Variants in FIG4 observed in about 807,000 individuals in gnomAD.
FIG4 encodes FIG4 phosphoinositide 5-phosphatase.
A neutral mutation model predicts 118.6 loss-of-function variants in FIG4; 112 were observed. The observed-to-expected ratio is 0.94, with a 90% CI of 0.81 to 1.11. The LOEUF is 1.11. Among genes scored for constraint, FIG4 ranks in the 50% least tolerant of loss-of-function variants. FIG4 has a pLI of 0.00. For synonymous variants in FIG4, 369 were observed against 381.2 expected (o/e 0.97, Z 0.37); for missense variants, 969 against 1,111.7 (o/e 0.87, Z 1.83).
chr6:109,763,891 G>A (rs371725965), intron 12 of FIG4, 46 bp from the exon 13 acceptor site: 3 of 1,225,398 alleles, frequency 2.4e-6, no homozygotes, highest in African/African-American at 3.0e-5. Flanking sequence ...AAATAAATAT[G>A]TATTCTGCCA....
rs375629140 is a variant in FIG4, at chr6:109,715,142, C to T, written c.131C>T (p.Thr44Ile). 9 of 1,606,966 alleles carry T rather than the reference C, an allele frequency of 5.6e-6. No homozygotes were observed. Among genetic ancestry groups the T allele is most frequent in the Non-Finnish European group, 7.7e-6 (9 of 1,174,200 alleles). Residue 44 changes from threonine to isoleucine, a missense_variant, in exon 2 of 23, where the codon ACA becomes ATA. Physicochemically the swap from Thr to Ile is moderately conservative, Grantham distance 89. Transcript: ENST00000230124. ...TATCGTGTCTTGAAGATTGATAGAA[C>T]AGAACCAAAAGATTTGGTCATAATT... is the stretch of plus-strand genomic sequence containing the variant. ...TKYRVLKIDR[T>I]EPKDLVIIDD...
Position 109,764,895 on chromosome 6 carries a change from T to TTTTTTGTTTTTG in FIG4, c.1435-90_1435-79dup, listed in dbSNP as rs71018366. On this transcript the variant is annotated intron_variant, in intron 13 of 22. Coordinates refer to ENST00000230124, the MANE Select transcript of FIG4 (RefSeq NM_014845.6). ...CAGGAATAATACCTGCCCACAGACT[T>TTTTTTGTTTTTG]TTTTTGTTTTTGTTTTTGTTTTTGT... 0.18 allele frequency: 147,237 copies of TTTTTTGTTTTTG among 810,438 alleles called. 17,045 individuals carry two copies. Among genetic ancestry groups the TTTTTTGTTTTTG allele is most frequent in the Middle Eastern group, 0.25 (950 of 3,872 alleles). The allele number at this position is 810,438 out of a possible 1,614,324, so 50.2% of individuals were successfully genotyped here. A position where few individuals can be genotyped will look rare whatever the true frequency, so the allele number is the denominator to read the frequency against.
chr6:109,807,644 G>T (rs1481680340), intron 22 of FIG4, among the ~76,000 whole-genome samples: 2 of 152,168 alleles, frequency 1.3e-5, no homozygotes, highest in Non-Finnish European at 2.9e-5. Context: ...GGCTTTTGTT[G>T]CCATTGCTTT....
chr6:109,725,827 A>T (rs550266542), intron 3 of FIG4, among the ~76,000 whole-genome samples: 1 of 151,950 alleles, frequency 6.6e-6, no homozygotes, highest in South Asian at 2.1e-4. Flanking sequence ...TGCGGTTTTG[A>T]TTTGCATTTC....
chr6:109,748,217 C>T (rs1484182321), intron 10 of FIG4, among the ~76,000 whole-genome samples: 4 of 152,116 alleles, frequency 2.6e-5, no homozygotes, highest in Non-Finnish European at 4.4e-5. Context: ...TTTGCTCTTG[C>T]CTGCCTTCTT....
At chr6:109,823,294 A>C (rs1023639986) in intron 22 of FIG4, among the ~76,000 whole-genome samples, 1 of 152,078 alleles carries the variant, frequency 6.6e-6, no homozygotes, top group Non-Finnish European at 1.5e-5. Flanking sequence ...TCTTCCTATC[A>C]AAGTCTTTAA....
intron 22 of FIG4, among the ~76,000 whole-genome samples, chr6:109,818,322 T>C (rs888683609): frequency 3.9e-5 from 6 of 151,982 alleles, no homozygotes; most frequent in Non-Finnish European, 5.9e-5. Context: ...TGCCTCAGCC[T>C]CCCAAGTAGC....
intron 9 of FIG4, 98 bp from the exon 10 acceptor site, chr6:109,743,577 T>A: frequency 1.2e-6 from 1 of 861,114 alleles, no homozygotes; most frequent in South Asian, 1.4e-5. Context: ...ATTGAAAGAT[T>A]AGTTGAATTG....
At position 109,727,143 on chromosome 6, in the gene FIG4, G is replaced by C. The variant is rs1371576818; in HGVS notation, c.324G>C (p.Val108=). The C allele has an allele frequency of 6.2e-7, 1 of 1,611,416 alleles. No individual in the cohort carries two copies. Among genetic ancestry groups the C allele is most frequent in the African/African-American group, 1.3e-5 (1 of 74,852 alleles). ...GGTTCTTAGAAGGCTATTATATTGT[G>C]TTAATAACTAAAAGGAGGAAGATGG... is the stretch of plus-strand genomic sequence containing the variant. The part of the protein sequence containing the change: ...FVRFLEGYYI[V]LITKRRKMAD... Residue 108 remains valine, a synonymous_variant, in exon 4 of 23, where the codon GTG becomes GTC. Coordinates refer to ENST00000230124, the MANE Select transcript of FIG4 (RefSeq NM_014845.6).
intron 22 of FIG4, among the ~76,000 whole-genome samples, chr6:109,818,986 G>A (rs2128401627): frequency 6.6e-6 from 1 of 152,264 alleles, no homozygotes. Context: ...GTCACTGTCT[G>A]CCCTTTAGCT....
chr6:109,804,437 C>T (rs1182142951), intron 22 of FIG4, among the ~76,000 whole-genome samples: 4 of 152,112 alleles, frequency 2.6e-5, no homozygotes, highest in Non-Finnish European at 5.9e-5. Context: ...CTTCTCTGAG[C>T]ATATACTAGA....
At chr6:109,747,357 A>G (rs1422734227) in intron 10 of FIG4, among the ~76,000 whole-genome samples, 1 of 152,132 alleles carries the variant, frequency 6.6e-6, no homozygotes, top group Non-Finnish European at 1.5e-5. Context: ...TGAATCTCCA[A>G]AGGAGTCAGA....
chr6:109,728,996 T>C (rs1368165624), intron 4 of FIG4, among the ~76,000 whole-genome samples: 1 of 152,148 alleles, frequency 6.6e-6, no homozygotes, highest in Non-Finnish European at 1.5e-5. Context: ...TATTAATAGT[T>C]TTTTATAGGT....
chr6:109,765,763 C>A (rs529967955), intron 14 of FIG4, among the ~76,000 whole-genome samples: 82 of 152,236 alleles, frequency 5.4e-4, no homozygotes, highest in Non-Finnish European at 1.0e-3. Context: ...ATTACTATTT[C>A]TTCACTGTCT....
At chr6:109,715,618 A>G (rs377507021) in intron 2 of FIG4, among the ~76,000 whole-genome samples, 13 of 152,304 alleles carry the variant, frequency 8.5e-5, no homozygotes, top group African/African-American at 2.6e-4. Flanking sequence ...ATGATTTGCT[A>G]TACACTAAGG....
chr6:109,782,975 A>G (rs1777849733), intron 16 of FIG4, among the ~76,000 whole-genome samples: 1 of 152,354 alleles, frequency 6.6e-6, no homozygotes, highest in South Asian at 2.1e-4. Flanking sequence ...ACTGCTGAGC[A>G]TCAAGACTAC....
chr6:109,707,435 A>T (rs1407846738), intron 1 of FIG4, among the ~76,000 whole-genome samples: 1 of 148,886 alleles, frequency 6.7e-6, no homozygotes, highest in Non-Finnish European at 1.5e-5. Context: ...ATATACATAT[A>T]TATACATATA....
intron 10 of FIG4, among the ~76,000 whole-genome samples, chr6:109,754,212 C>G (rs1282626153): frequency 6.6e-6 from 1 of 151,950 alleles, no homozygotes; most frequent in Non-Finnish European, 1.5e-5. Context: ...TGGTTTTTGT[C>G]TTTGGTTCTG....
At chr6:109,821,268 A>G (rs960338773) in intron 22 of FIG4, among the ~76,000 whole-genome samples, 3 of 152,228 alleles carry the variant, frequency 2.0e-5, no homozygotes, top group African/African-American at 7.2e-5. Context: ...GGCAGTTTTC[A>G]ACACTTCACT....
Sources: allele counts gnomAD v4.1 joint callset (sites outside exome capture counted in the v4.1 genomes callset), GRCh38; gene constraint gnomAD v4.1.1; transcripts MANE v1.5; gene names NCBI Gene and HGNC (gene_info 2026-07-23, HGNC 2026-07-21).